Variants in PCNX2 observed in about 807,000 individuals in gnomAD.
PCNX2 encodes pecanex-like protein 2.
PCNX2 carries 168 observed loss-of-function variants against 223.8 expected under a neutral mutation model. The observed-to-expected ratio is 0.75, with a 90% CI of 0.66 to 0.85. PCNX2 has a LOEUF of 0.85. Ranked by LOEUF, PCNX2 falls within the 40% of genes least tolerant of loss-of-function variation. PCNX2 has a pLI of 0.00. For synonymous variants in PCNX2, 1,006 were observed against 1,052.6 expected, an observed-to-expected ratio of 0.96 and a Z score of 0.86; for missense variants, 2,507 against 2,675.5, an observed-to-expected ratio of 0.94 and a Z score of 1.39.
At chr1:233,200,298 T>C (rs12024129) in intron 13 of PCNX2, 34 bp from the exon 14 acceptor site, 5 of 1,463,838 alleles carry the variant, frequency 3.4e-6, no homozygotes, top group Non-Finnish European at 4.7e-6. Flanking sequence ...ACGATAAGCA[T>C]GGGGAACTGT....
chr1:233,213,772 C>T (rs992479758), intron 12 of PCNX2, among the ~76,000 whole-genome samples: 2 of 148,674 alleles, frequency 1.3e-5, no homozygotes, highest in Non-Finnish European at 3.0e-5. Context: ...TTAGTATACG[C>T]TAAAGCCTGC....
chr1:233,253,757 AC>A lies in PCNX2; in HGVS notation c.1835-970del, dbSNP rs2102989233. ...AATGAGAATTCCAAGATCAATAGGT[AC>A]TGATTGTTTTTATTTTTTGCATTTT... On this transcript the variant is annotated intron_variant, in intron 5 of 33. Coordinates refer to ENST00000258229, the MANE Select transcript of PCNX2 (RefSeq NM_014801.4). This position sits in a 1 kb window ranked among gnomAD's most constrained non-coding sequence, Gnocchi z 4.2. Among the ~76,000 whole-genome samples the A allele has an allele frequency of 6.6e-6, 1 of 152,062 alleles. No homozygotes were observed. The highest frequency in any genetic ancestry group is 1.9e-4 in the East Asian group (1 of 5,180).
At chr1:233,180,434 T>C (rs1679721993) in intron 15 of PCNX2, among the ~76,000 whole-genome samples, 1 of 152,214 alleles carries the variant, frequency 6.6e-6, no homozygotes, top group Non-Finnish European at 1.5e-5. Flanking sequence ...TCTACATATT[T>C]AATCTTCTCA....
chr1:233,129,855 G>C (rs1676353812), intron 21 of PCNX2, among the ~76,000 whole-genome samples: 1 of 152,202 alleles, frequency 6.6e-6, no homozygotes, highest in South Asian at 2.1e-4. Flanking sequence ...GGTGGGGCCA[G>C]ATAAAAGAAT....
intron 12 of PCNX2, among the ~76,000 whole-genome samples, chr1:233,212,015 T>A (rs1247085317): frequency 6.6e-6 from 1 of 152,176 alleles, no homozygotes; most frequent in Non-Finnish European, 1.5e-5. Context: ...GCAACAAGGG[T>A]TTGCTGTGTT....
chr1:233,008,668 A>C (rs1298658576), intron 28 of PCNX2, among the ~76,000 whole-genome samples: 7 of 152,184 alleles, frequency 4.6e-5, no homozygotes. Flanking sequence ...CTGTGTCTTC[A>C]ATGACACAGT....
chr1:233,286,129 T>C (rs1043005484), intron 1 of PCNX2, among the ~76,000 whole-genome samples: 5 of 152,162 alleles, frequency 3.3e-5, no homozygotes, highest in African/African-American at 9.7e-5. Flanking sequence ...AATGATGTAA[T>C]AGAATTTAGA....
chr1:232,993,443 A>C (rs1669772000), intron 32 of PCNX2, among the ~76,000 whole-genome samples: 1 of 152,214 alleles, frequency 6.6e-6, no homozygotes, highest in Admixed American at 6.5e-5. Flanking sequence ...GACCTGGCTT[A>C]TTCTGAAAGT....
chr1:233,053,556 C>T (rs1672082658), intron 25 of PCNX2, among the ~76,000 whole-genome samples: 1 of 152,138 alleles, frequency 6.6e-6, no homozygotes, highest in Non-Finnish European at 1.5e-5. Context: ...TGTCACGTGT[C>T]CATTGCATCT....
intron 26 of PCNX2, among the ~76,000 whole-genome samples, chr1:233,021,931 AG>A (rs925512125): frequency 6.6e-6 from 1 of 152,202 alleles, no homozygotes; most frequent in African/African-American, 2.4e-5. Flanking sequence ...TACCAGTCCA[AG>A]GAAAGAAGGC....
chr1:233,298,684 T>A (rs914346560), upstream of PCNX2, among the ~76,000 whole-genome samples: 1 of 151,934 alleles, frequency 6.6e-6, no homozygotes, highest in African/African-American at 2.4e-5. Context: ...AGGTCAGGAG[T>A]TCGAGACCAG....
chr1:233,029,410 A>AT (rs1671190697), intron 25 of PCNX2, among the ~76,000 whole-genome samples: 1 of 152,112 alleles, frequency 6.6e-6, no homozygotes, highest in Non-Finnish European at 1.5e-5. Flanking sequence ...CATTCTTATA[A>AT]TTTTTTGCTT....
chr1:233,133,152 G>A (rs1281705545), intron 21 of PCNX2, among the ~76,000 whole-genome samples: 1 of 151,994 alleles, frequency 6.6e-6, no homozygotes, highest in Non-Finnish European at 1.5e-5. Context: ...GCCCATCTCA[G>A]CCTCCCAAAG....
intron 8 of PCNX2, among the ~76,000 whole-genome samples, chr1:233,245,729 A>G (rs1379437193): frequency 1.3e-5 from 2 of 152,160 alleles, no homozygotes; most frequent in Non-Finnish European, 2.9e-5. Flanking sequence ...CCTGGCTAAC[A>G]TGTTGAATCC....
At chr1:233,123,627 C>T (rs1675934439) in intron 21 of PCNX2, among the ~76,000 whole-genome samples, 1 of 151,898 alleles carries the variant, frequency 6.6e-6, no homozygotes, top group South Asian at 2.1e-4. Context: ...AAATGAAAGA[C>T]AGTTGTGTCT....
chr1:233,130,657 G>A (rs771403692), intron 21 of PCNX2, among the ~76,000 whole-genome samples: 6 of 151,650 alleles, frequency 4.0e-5, no homozygotes, highest in Non-Finnish European at 7.4e-5. Context: ...GCTAATTTTT[G>A]TATTTTTAGT....
At chr1:233,259,401 A>G in intron 4 of PCNX2, 57 bp from the exon 5 acceptor site, 2 of 1,495,040 alleles carry the variant, frequency 1.3e-6, no homozygotes, top group Non-Finnish European at 1.8e-6. Flanking sequence ...AATGCCCAAG[A>G]GCAAGACCTA....
chr1:233,285,601 C>T (rs980503278), intron 1 of PCNX2, among the ~76,000 whole-genome samples: 10 of 152,014 alleles, frequency 6.6e-5, no homozygotes, highest in Non-Finnish European at 1.3e-4. Context: ...CTTGAACCTG[C>T]GAGGCAGAGG....
intron 17 of PCNX2, chr1:233,167,698 T>A (rs761355670): frequency 8.3e-6 from 8 of 961,412 alleles, no homozygotes; most frequent in Non-Finnish European, 9.9e-6. Context: ...CACAATAAAA[T>A]CTCTTTAAAA....
Sources: gnomAD v4.1 joint callset for allele counts (sites outside exome capture counted in the v4.1 genomes callset) on GRCh38, gnomAD v4.1.1 for gene constraint, Gnocchi (gnomAD v3.1) non-coding constraint, MANE v1.5 for transcripts, NCBI Gene and HGNC (gene_info 2026-07-23, HGNC 2026-07-21) for gene names.